The following PPM1E variants were observed in gnomAD, a reference collection of about 807,000 sequenced individuals.
The protein encoded by PPM1E is protein phosphatase, Mg2+/Mn2+ dependent 1E, also known as protein phosphatase 1E.
In PPM1E, 20 loss-of-function variants were observed where a neutral mutation model predicts 65.9. The observed-to-expected ratio is 0.30, with a 90% CI of 0.21 to 0.44. The LOEUF (loss-of-function observed/expected upper bound fraction) is 0.44, where lower values mean the gene tolerates loss of function less well. Ranked by LOEUF, PPM1E falls within the 20% of genes least tolerant of loss-of-function variation. PPM1E has a pLI of 1.00. For missense variants in PPM1E, 713 were observed against 953.1 expected, an observed-to-expected ratio of 0.75 and a Z score of 3.32; for synonymous variants, 352 against 374.9, an observed-to-expected ratio of 0.94 and a Z score of 0.70.
chr17:58,854,030 AAT>A (rs1406455990), intron 1 of PPM1E, among the ~76,000 whole-genome samples: 1 of 152,200 alleles, frequency 6.6e-6, no homozygotes, highest in Non-Finnish European at 1.5e-5. Flanking sequence ...ACATCTGAAC[AAT>A]ATTAACCCCT....
intron 1 of PPM1E, among the ~76,000 whole-genome samples, chr17:58,801,018 A>G (rs2050253429): frequency 6.6e-6 from 1 of 152,136 alleles, no homozygotes; most frequent in Non-Finnish European, 1.5e-5. Flanking sequence ...TGCTGGGGTC[A>G]GAGAACATAC....
At position 58,980,331 on chromosome 17, in the gene PPM1E, G is replaced by C. The variant is rs747894727; in HGVS notation, c.1568G>C (p.Gly523Ala). Reference protein sequence around the residue: ...EDGGDDKENHGECKRPWPQHQ... With the variant: ...EDGGDDKENHAECKRPWPQHQ... ...GGTGGGGATGATAAGGAGAATCATG[G>C]AGAGTGCAAACGCCCTTGGCCTCAG... The change falls in exon 7 of 7, where the codon GGA (glycine) becomes GCA (alanine). Residue 523 changes from glycine (G) to alanine (A), a missense_variant. Transcript: ENST00000308249. The surrounding 1 kb of genome is among the most constrained non-coding windows in gnomAD (Gnocchi z 4.7). 19 of 1,613,968 alleles carry C rather than the reference G, an allele frequency of 1.2e-5. No homozygotes were observed. The highest frequency in any genetic ancestry group is 8.5e-7 in the Non-Finnish European group (1 of 1,180,032).
In PPM1E at chr17:58,982,611, A is replaced by G; in HGVS notation, c.*1580A>G. Reference sequence around the variant, plus strand: ...GCATATTTTGGATACCAGTATAGCTATATCAAATAGACAAAAACAGCTTCA... The same window carrying G: ...GCATATTTTGGATACCAGTATAGCTGTATCAAATAGACAAAAACAGCTTCA... On this transcript the variant is annotated 3_prime_UTR_variant, in exon 7 of 7. Transcript: ENST00000308249. 8.0e-6 allele frequency: 3 copies of G among 373,040 alleles called. No homozygotes were observed. In the South Asian group the frequency reaches 1.2e-4, roughly 15 times the overall value. 23.1% of individuals were successfully genotyped at this position (373,040 alleles called of 1,614,324 possible). A position where few individuals can be genotyped will look rare whatever the true frequency, so the allele number is the denominator to read the frequency against.
At chr17:58,932,619 G>A (rs868818044) in intron 1 of PPM1E, among the ~76,000 whole-genome samples, 5 of 152,114 alleles carry the variant, frequency 3.3e-5, no homozygotes, top group Non-Finnish European at 4.4e-5. Flanking sequence ...GAAGTTCCAG[G>A]ATATCATTTT....
At chr17:58,849,483 A>G (rs1420063985) in intron 1 of PPM1E, among the ~76,000 whole-genome samples, 1 of 152,100 alleles carries the variant, frequency 6.6e-6, no homozygotes, top group Non-Finnish European at 1.5e-5. Context: ...GTTTGTTCTC[A>G]TTGGTTTCAA....
intron 2 of PPM1E, among the ~76,000 whole-genome samples, chr17:58,958,619 G>GA (rs964614875): frequency 1.3e-4 from 19 of 147,356 alleles, no homozygotes; most frequent in Non-Finnish European, 1.6e-4. Flanking sequence ...ATGTCTTCTA[G>GA]AAAAAAAAAA....
chr17:58,816,778 ATATATATATATATATATTTTTTT>A (rs2050425927), intron 1 of PPM1E, among the ~76,000 whole-genome samples: 2 of 9,576 alleles, frequency 2.1e-4, no homozygotes, highest in African/African-American at 5.4e-4. Flanking sequence ...ATATATATAT[ATATATATATATATATATTTTTTT>A]TTTTTTTTTT....
At chr17:58,782,785 A>G (rs2050063226) in intron 1 of PPM1E, among the ~76,000 whole-genome samples, 1 of 152,124 alleles carries the variant, frequency 6.6e-6, no homozygotes, top group African/African-American at 2.4e-5. Context: ...GTGGCAGAAT[A>G]ATTAAAATTA....
intron 1 of PPM1E, among the ~76,000 whole-genome samples, chr17:58,828,262 A>G (rs886947546): frequency 1.3e-5 from 2 of 151,880 alleles, no homozygotes; most frequent in Non-Finnish European, 2.9e-5. Context: ...TAATATGTGT[A>G]TAATTTTTAA....
intron 1 of PPM1E, among the ~76,000 whole-genome samples, chr17:58,822,741 C>CT (rs2050493506): frequency 1.3e-5 from 2 of 152,220 alleles, no homozygotes; most frequent in African/African-American, 2.4e-5. Context: ...AGATGATATG[C>CT]TTTTTTTCTG....
intron 1 of PPM1E, among the ~76,000 whole-genome samples, chr17:58,860,505 G>A (rs1329917112): frequency 6.6e-6 from 1 of 152,186 alleles, no homozygotes; most frequent in Non-Finnish European, 1.5e-5. Flanking sequence ...GCATAGAGGA[G>A]AAAGCTGATG....
At chr17:58,963,831 G>T (rs1251260860) in intron 2 of PPM1E, among the ~76,000 whole-genome samples, 1 of 152,186 alleles carries the variant, frequency 6.6e-6, no homozygotes. Context: ...GGAGGTTGCA[G>T]TGAGCCAAGA....
At chr17:58,958,202 A>G (rs2029912221) in intron 2 of PPM1E, among the ~76,000 whole-genome samples, 1 of 151,356 alleles carries the variant, frequency 6.6e-6, no homozygotes, top group Non-Finnish European at 1.5e-5. Context: ...TTTTATTTTT[A>G]TTTTTATTTA....
At chr17:58,784,525 G>T (rs1427018347) in intron 1 of PPM1E, among the ~76,000 whole-genome samples, 1 of 135,420 alleles carries the variant, frequency 7.4e-6, no homozygotes, top group African/African-American at 2.7e-5. Context: ...TTTTTGAGAC[G>T]GAGTCTTTAT....
chr17:58,910,438 T>C (rs1404463268), intron 1 of PPM1E, among the ~76,000 whole-genome samples: 1 of 152,184 alleles, frequency 6.6e-6, no homozygotes, highest in African/African-American at 2.4e-5. Context: ...AGCATATTAA[T>C]CATAGTTGTT....
chr17:58,979,905 G>C, intron 6 of PPM1E, 69 bp from the exon 7 acceptor site: 1 of 1,236,600 alleles, frequency 8.1e-7, no homozygotes, highest in Non-Finnish European at 1.1e-6. Context: ...CATGGCATTG[G>C]TCATAAACGT....
intron 6 of PPM1E, among the ~76,000 whole-genome samples, chr17:58,977,313 C>T (rs1026888053): frequency 2.6e-5 from 4 of 151,684 alleles, no homozygotes; most frequent in African/African-American, 9.7e-5. Context: ...TATTGTGGTG[C>T]GTGCCTGTAA....
chr17:58,863,927 A>G (rs938301450), intron 1 of PPM1E, among the ~76,000 whole-genome samples: 2 of 151,996 alleles, frequency 1.3e-5, no homozygotes, highest in Non-Finnish European at 2.9e-5. Flanking sequence ...TCTTATGGGC[A>G]CAGGATAGGG....
chr17:58,801,397 G>A (rs1396661352), intron 1 of PPM1E, among the ~76,000 whole-genome samples: 4 of 147,788 alleles, frequency 2.7e-5, no homozygotes, highest in Admixed American at 2.7e-4. Flanking sequence ...TTAGATAAAT[G>A]TCCCCCTTTA....
Sources: gnomAD v4.1 joint callset for allele counts (sites outside exome capture counted in the v4.1 genomes callset) on GRCh38, gnomAD v4.1.1 for gene constraint, Gnocchi (gnomAD v3.1) non-coding constraint, MANE v1.5 for transcripts, NCBI Gene and HGNC (gene_info 2026-07-23, HGNC 2026-07-21) for gene names.